PHLDB1: variants seen among roughly 807,000 people sequenced by gnomAD.
The protein encoded by PHLDB1 is pleckstrin homology-like domain family B member 1.
PHLDB1 carries 65 observed loss-of-function variants against 139.3 expected under a neutral mutation model. The ratio of observed to expected loss-of-function variants is 0.47; its 90% CI spans 0.38 to 0.57. The LOEUF is 0.57. PHLDB1 is among the 20% of genes least tolerant of loss of function. PHLDB1 has a pLI of 0.00. For missense variants in PHLDB1, 1,624 were observed against 1,839.7 expected (o/e 0.88, Z 2.14); for synonymous variants, 679 against 734.5 (o/e 0.92, Z 1.22).
chr11:118,629,659 G>A (rs1199764984), intron 6 of PHLDB1, among the ~76,000 whole-genome samples: 4 of 152,274 alleles, frequency 2.6e-5, no homozygotes, highest in South Asian at 2.1e-4. Flanking sequence ...TGTTTGTGTT[G>A]GATGGGGGTG....
Position 118,620,926 on chromosome 11 carries a change from C to CCT in PHLDB1, c.356-3998_356-3997dup, listed in dbSNP as rs1289962063. ...GTAGAGCCCCTGCTCTTTTCCTCTC[C>CCT]CTCTCTCTCTCAGATATGGACCCAT... On this transcript the variant is annotated intron_variant, in intron 4 of 22. Coordinates refer to ENST00000600882, the MANE Select transcript of PHLDB1 (RefSeq NM_001144758.3). This position sits in a 1 kb window ranked among gnomAD's most constrained non-coding sequence, Gnocchi z 4.1. Among the ~76,000 whole-genome samples, 10 of 152,124 alleles carry CCT rather than the reference C, an allele frequency of 6.6e-5. No individual in the cohort carries two copies. Among genetic ancestry groups the CCT allele is most frequent in the Admixed American group, 2.0e-4 (3 of 15,296 alleles).
chr11:118,655,850 C>T lies in PHLDB1; in HGVS notation c.3961-10C>T, dbSNP rs1555141432. The T allele has an allele frequency of 1.2e-6, 2 of 1,610,956 alleles. No individual in the cohort carries two copies. Among genetic ancestry groups the T allele is most frequent in the Non-Finnish European group, 1.7e-6 (2 of 1,177,144 alleles). On this transcript the variant is annotated splice_polypyrimidine_tract_variant and intron_variant, in intron 21 of 22. Transcript: ENST00000600882. ...AACTTTCTCTTCCTTTCTCCCTCTC[C>T]CCTTCCCAGAAGAGGTTTTTCCGCT...
chr11:118,645,817 G>C lies in PHLDB1; in HGVS notation c.3499G>C (p.Glu1167Gln). Residue 1167 changes from glutamate (E) to glutamine (Q), a missense_variant, in exon 17 of 23, where the codon GAG becomes CAG. Glu to Gln is a conservative substitution (Grantham distance 29). Coordinates refer to ENST00000600882, the MANE Select transcript of PHLDB1 (RefSeq NM_001144758.3). This position sits in a 1 kb window ranked among gnomAD's most constrained non-coding sequence, Gnocchi z 5.1. ...TCATGCAGAGAAGAACCGGCTCATG[G>C]AGTCGAGGGTGAGTCTGACCTGGAT... ...EAHAEKNRLM[E>Q]SREREMELRR... 6.2e-7 allele frequency: 1 copy of C among 1,608,940 alleles called. No homozygotes were observed. The highest frequency in any genetic ancestry group is 8.5e-7 in the Non-Finnish European group (1 of 1,175,536).
At chr11:118,631,769 G>A in intron 7 of PHLDB1, 144 bp from the exon 8 acceptor site, 3 of 999,730 alleles carry the variant, frequency 3.0e-6, no homozygotes, top group Admixed American at 2.4e-5. Context: ...TCAAAGGTGG[G>A]GGTTGCGGGG....
rs138777339 is a variant in PHLDB1 at position 118,645,615 on chromosome 11, G to A, written c.3381G>A (p.Gly1127=). The A allele has an allele frequency of 4.1e-3, 6,546 of 1,613,240 alleles. 20 individuals carry two copies. The highest frequency in any genetic ancestry group is 5.1e-3 in the Non-Finnish European group (6,069 of 1,179,358). Residue 1127 remains glycine (G), a synonymous_variant, in exon 16 of 23, where the codon GGG becomes GGA. Transcript: ENST00000600882. This position sits in a 1 kb window ranked among gnomAD's most constrained non-coding sequence, Gnocchi z 5.1. The part of the protein sequence containing the change: ...SDSMETSIST[G]GNSACSPDNM... The stretch of plus-strand genomic sequence containing the variant: ...GCATGGAGACCAGCATCTCCACCGG[G>A]GGCAACTCGGCCTGCTCCCCTGACA...
At chr11:118,643,404 TA>T in intron 13 of PHLDB1, 1 of 454,020 alleles carries the variant, frequency 2.2e-6, no homozygotes, top group Non-Finnish European at 2.9e-6. Flanking sequence ...CTTTTGCAGA[TA>T]AGGAAGCCAA....
intron 10 of PHLDB1, among the ~76,000 whole-genome samples, chr11:118,636,352 G>T (rs1295611304): frequency 6.6e-6 from 1 of 152,286 alleles, no homozygotes; most frequent in Non-Finnish European, 1.5e-5. Flanking sequence ...TGGTGACGTA[G>T]GGGATTTGCT....
At position 118,627,671 on chromosome 11, in the gene PHLDB1, C is replaced by G; in HGVS notation, c.848C>G (p.Pro283Arg). 1 of 1,611,266 alleles carries G rather than the reference C, an allele frequency of 6.2e-7. No individual in the cohort carries two copies. The highest frequency in any genetic ancestry group is 8.5e-7 in the Non-Finnish European group (1 of 1,180,018). ...SGQEPGPSVP[P>R]LVPARSSSYH... ...CAAGAGCCAGGACCTTCTGTGCCCCCGCTGGTACCTGCCCGTTCCTCCAGC... is the reference window on the plus strand; with the variant it reads ...CAAGAGCCAGGACCTTCTGTGCCCCGGCTGGTACCTGCCCGTTCCTCCAGC... Residue 283 changes from proline (P) to arginine (R), a missense_variant, in exon 6 of 23, where the codon CCG (proline) becomes CGG (arginine). Physicochemically the swap from Pro to Arg is moderately radical, Grantham distance 103. Coordinates refer to ENST00000600882, the MANE Select transcript of PHLDB1 (RefSeq NM_001144758.3).
Position 118,632,212 on chromosome 11 carries a change from GCTGC to G in PHLDB1, c.2296_2299del (p.Leu766ArgfsTer121). ...GAGAGAGGGAGGCAGAGCGGGCACT[GCTGC>G]AGAAGGAGCAGAAGGCAGTGGATCA... On this transcript the variant is annotated frameshift_variant, in exon 9 of 23. Coordinates refer to ENST00000600882, the MANE Select transcript of PHLDB1 (RefSeq NM_001144758.3). LOFTEE classifies it high-confidence loss of function. This position sits in a 1 kb window ranked among gnomAD's most constrained non-coding sequence, Gnocchi z 5.9. 6.2e-7 allele frequency: 1 copy of G among 1,614,148 alleles called. No individual in the cohort carries two copies.
upstream of PHLDB1, chr11:118,606,457 A>G (rs1302183829): frequency 1.3e-5 from 2 of 152,258 alleles, no homozygotes; most frequent in Non-Finnish European, 2.9e-5. Context: ...TCATTGAATT[A>G]GAACAGCACT....
In PHLDB1 at chr11:118,639,100, G is replaced by A. The variant is rs1261315305; in HGVS notation, c.2647-62G>A. On this transcript the variant is annotated intron_variant, in intron 11 of 22. Transcript: ENST00000600882. ...TAAATGTGCTGGGGTGGAGCACAGG[G>A]CCCCCCTCACACAGTCTCCTGGCTC... The A allele has an allele frequency of 1.9e-6, 3 of 1,554,082 alleles. 1 individual carries two copies. Among genetic ancestry groups the A allele is most frequent in the South Asian group, 2.2e-5 (2 of 89,938 alleles).
At chr11:118,636,754 T>C (rs948695671) in intron 10 of PHLDB1, 3 of 152,200 alleles carry the variant, frequency 2.0e-5, no homozygotes, top group Non-Finnish European at 2.9e-5. Flanking sequence ...GCACTGAGGC[T>C]AGGGGCGGGC....
Position 118,620,802 on chromosome 11 carries a change from T to C in PHLDB1, c.356-4132T>C, listed in dbSNP as rs547541514. On this transcript the variant is annotated intron_variant, in intron 4 of 22. Coordinates refer to ENST00000600882, the MANE Select transcript of PHLDB1 (RefSeq NM_001144758.3). The surrounding 1 kb of genome is among the most constrained non-coding windows in gnomAD (Gnocchi z 4.1). ...GGAGGTGGGCTGAGTGCTTGCATTG[T>C]ACAGAGCACTGCTTTGGCCTGAACT... Among the ~76,000 whole-genome samples the C allele has an allele frequency of 4.6e-5, 7 of 152,250 alleles. No individual in the cohort carries two copies. The highest frequency in any genetic ancestry group is 7.4e-5 in the Non-Finnish European group (5 of 68,004).
At chr11:118,613,614 T>C (rs1397218018) in intron 1 of PHLDB1, 2 of 604,020 alleles carry the variant, frequency 3.3e-6, no homozygotes, top group African/African-American at 3.8e-5. Context: ...GTATCCATGC[T>C]GTGGCTGGCT....
chr11:118,635,631 C>A, intron 10 of PHLDB1, 83 bp downstream of exon 10: 2 of 1,250,732 alleles, frequency 1.6e-6, no homozygotes, highest in Non-Finnish European at 2.1e-6. Flanking sequence ...CAAAAGTTAA[C>A]TTCGTCTTTT....
In PHLDB1 at chr11:118,639,222, T is replaced by C; in HGVS notation, c.2707T>C (p.Phe903Leu). 1 of 1,614,000 alleles carries C rather than the reference T, an allele frequency of 6.2e-7. No homozygotes were observed. The highest frequency in any genetic ancestry group is 8.5e-7 in the Non-Finnish European group (1 of 1,179,882). ...CCACTCACTCACAGGGGGCAGGCCT[T>C]TCCCGAAGACCACATCGACCCTCAA... ...RYHSLTGGRP[F>L]PKTTSTLKEM... The change falls in exon 12 of 23, where the codon TTC becomes CTC. Residue 903 changes from phenylalanine to leucine, a missense_variant. By Grantham distance (22) the Phe-to-Leu change is conservative. Coordinates refer to ENST00000600882, the MANE Select transcript of PHLDB1 (RefSeq NM_001144758.3).
rs782471442 is a variant in PHLDB1, at chr11:118,614,571, G to A, written c.73G>A (p.Asp25Asn). The A allele has an allele frequency of 6.2e-7, 1 of 1,613,908 alleles. No homozygotes were observed. Among genetic ancestry groups the A allele is most frequent in the Non-Finnish European group, 8.5e-7 (1 of 1,179,938 alleles). The change falls in exon 3 of 23, where the codon GAC becomes AAC. Residue 25 changes from aspartate (D) to asparagine (N), a missense_variant. Physicochemically the swap from Asp to Asn is conservative, Grantham distance 23. Coordinates refer to ENST00000600882, the MANE Select transcript of PHLDB1 (RefSeq NM_001144758.3). ...TQTMVQKGPL[D>N]LIETGKGLKV... ...GTACTACCTACAGAAAGGACCCTTG[G>A]ACCTGATCGAGACAGGCAAAGGGCT...
intron 9 of PHLDB1, 112 bp from the exon 10 acceptor site, chr11:118,635,281 C>T: frequency 7.7e-7 from 1 of 1,290,368 alleles, no homozygotes; most frequent in Non-Finnish European, 1.1e-6. Flanking sequence ...AGGTTTCTTA[C>T]CCAATTTCCC....
intron 20 of PHLDB1, chr11:118,653,200 G>A (rs1948579990): frequency 6.6e-6 from 1 of 152,468 alleles, no homozygotes; most frequent in African/African-American, 2.4e-5. Context: ...CAGGCCCAGA[G>A]CCAGGCAGGG....
Sources: gnomAD v4.1 joint callset for allele counts (sites outside exome capture counted in the v4.1 genomes callset) on GRCh38, gnomAD v4.1.1 for gene constraint, Gnocchi (gnomAD v3.1) non-coding constraint, MANE v1.5 for transcripts, NCBI Gene and HGNC (gene_info 2026-07-23, HGNC 2026-07-21) for gene names.